Variants in KIAA1671 observed in about 807,000 individuals in gnomAD.
The protein encoded by KIAA1671 is KIAA1671, also known as uncharacterized protein KIAA1671.
In KIAA1671, 52 loss-of-function variants were observed where a neutral mutation model predicts 131.2. That is an observed-to-expected ratio of 0.40 (90% CI 0.32 to 0.50). The LOEUF (loss-of-function observed/expected upper bound fraction) is 0.50. Ranked by LOEUF, KIAA1671 falls within the 20% of genes least tolerant of loss-of-function variation. The pLI is 0.73. For synonymous variants in KIAA1671, 1,003 were observed against 961.6 expected (o/e 1.04, Z -0.80); for missense variants, 2,360 against 2,364.2 (o/e 1.00, Z 0.04).
intron 1 of KIAA1671, among the ~76,000 whole-genome samples, chr22:24,992,165 A>T (rs1016148711): frequency 4.6e-5 from 7 of 152,152 alleles, no homozygotes; most frequent in Non-Finnish European, 1.0e-4. Flanking sequence ...CCTTCGGGTA[A>T]TTGGGACGGA....
At chr22:25,148,264 A>G (rs1474836513) in intron 6 of KIAA1671, among the ~76,000 whole-genome samples, 1 of 100,350 alleles carries the variant, frequency 1.0e-5, no homozygotes, top group African/African-American at 4.0e-5. Context: ...GCCCTCCCAC[A>G]GTCCCAGCCC....
intron 6 of KIAA1671, among the ~76,000 whole-genome samples, chr22:25,154,577 G>C (rs1933163315): frequency 6.6e-6 from 1 of 152,204 alleles, no homozygotes; most frequent in Non-Finnish European, 1.5e-5. Context: ...CAGAGTCTTT[G>C]AACAAAGCCA....
rs561497173 is a variant in KIAA1671, at chr22:25,182,158, G to A, written c.5199+335G>A. On this transcript the variant is annotated intron_variant, in intron 10 of 12. Coordinates refer to ENST00000358431, the MANE Select transcript of KIAA1671 (RefSeq NM_001145206.2). The stretch of plus-strand genomic sequence containing the variant: ...TGCGCCACGGCACTCCAGCCTGGGC[G>A]ACAGAGCGGGACTCCATCTCAAAAA... Among the ~76,000 whole-genome samples, 627 of 150,982 alleles carry A rather than the reference G, an allele frequency of 4.2e-3. 1 individual carries two copies. The highest frequency in any genetic ancestry group is 7.5e-3 in the Non-Finnish European group (507 of 67,728).
rs75152681 is a variant in KIAA1671 at position 25,021,466 on chromosome 22, CTT to C, written c.-207-4152_-207-4151del. Among the ~76,000 whole-genome samples the C allele has an allele frequency of 9.3e-3, 1,242 of 133,576 alleles. 7 individuals are homozygous for C. Among genetic ancestry groups the C allele is most frequent in the African/African-American group, 0.031 (1,102 of 35,074 alleles). The allele number at this position is 133,576 out of a possible 152,430, so 87.6% of individuals were successfully genotyped here. On this transcript the variant is annotated intron_variant, in intron 1 of 12. Transcript: ENST00000358431. The stretch of plus-strand genomic sequence containing the variant: ...GTAACATTCTGGAGCTTGTCCTTAC[CTT>C]TTTTTTTTTTTTTTGTCCTTTTTTT...
At chr22:25,093,834 GTCTGTCTCTCTCTC>G (rs1930249788) in intron 6 of KIAA1671, among the ~76,000 whole-genome samples, 4 of 16,940 alleles carry the variant, frequency 2.4e-4, no homozygotes, top group Non-Finnish European at 3.3e-4. Flanking sequence ...TTCTCTCTCT[GTCTGTCTCTCTCTC>G]TCTCTCTCTC....
At chr22:25,024,222 A>T (rs1925819156) in intron 1 of KIAA1671, 1 of 152,158 alleles carries the variant, frequency 6.6e-6, no homozygotes, top group Non-Finnish European at 1.5e-5. Context: ...AGGTTCCCAA[A>T]GTGGGGTGAC....
chr22:25,008,609 C>G (rs998710150), intron 1 of KIAA1671, among the ~76,000 whole-genome samples: 1 of 152,192 alleles, frequency 6.6e-6, no homozygotes, highest in East Asian at 1.9e-4. Flanking sequence ...GTTGCCAAAC[C>G]TCCCTTGTTG....
At chr22:25,093,715 ACACACACACACACACACACACACT>A (rs1568950840) in intron 6 of KIAA1671, among the ~76,000 whole-genome samples, 1 of 115,508 alleles carries the variant, frequency 8.7e-6, no homozygotes, top group Non-Finnish European at 1.6e-5. Flanking sequence ...ACACACACAC[ACACACACACACACACACACACACT>A]CTCTCTCTCT....
At chr22:25,192,251 C>G (rs1934693415) in intron 12 of KIAA1671, among the ~76,000 whole-genome samples, 155 bp from the exon 13 acceptor site, 1 of 152,076 alleles carries the variant, frequency 6.6e-6, no homozygotes, top group Non-Finnish European at 1.5e-5. Context: ...CTCACCTCCC[C>G]TTTCCACCCA....
chr22:25,085,538 C>T (rs931996031), intron 6 of KIAA1671, among the ~76,000 whole-genome samples: 2 of 144,296 alleles, frequency 1.4e-5, no homozygotes, highest in South Asian at 2.4e-4. Flanking sequence ...GTCCGTCCTG[C>T]GGCTCTGTAG....
chr22:24,996,119 C>T (rs1453800908), intron 1 of KIAA1671, among the ~76,000 whole-genome samples: 1 of 151,940 alleles, frequency 6.6e-6, no homozygotes, highest in East Asian at 1.9e-4. Context: ...GGTAAGTCAT[C>T]TTCAGGGGAG....
chr22:25,107,427 G>T (rs1931070644), intron 6 of KIAA1671, among the ~76,000 whole-genome samples: 1 of 134,328 alleles, frequency 7.4e-6, no homozygotes, highest in Admixed American at 7.9e-5. Context: ...AAAAAAAAGT[G>T]CTATGTGTGC....
intron 6 of KIAA1671, among the ~76,000 whole-genome samples, chr22:25,132,501 C>T (rs1001734430): frequency 6.6e-6 from 1 of 152,318 alleles, no homozygotes; most frequent in Non-Finnish European, 1.5e-5. Flanking sequence ...CTGCCCCTCT[C>T]GGAGCCTCGG....
intron 6 of KIAA1671, among the ~76,000 whole-genome samples, chr22:25,150,953 C>CTCT (rs1413069501): frequency 1.3e-5 from 2 of 151,600 alleles, no homozygotes; most frequent in African/African-American, 4.9e-5. Flanking sequence ...CTGCCTCAGC[C>CTCT]TCCCAAGTAG....
At chr22:25,144,743 C>T (rs559078645) in intron 6 of KIAA1671, among the ~76,000 whole-genome samples, 198 of 152,224 alleles carry the variant, frequency 1.3e-3, no homozygotes, top group African/African-American at 4.5e-3. Flanking sequence ...TGCCCAGGGC[C>T]CCACTCCCAG....
chr22:24,965,740 C>CAAAAAAAA (rs767916092), intron 1 of KIAA1671, among the ~76,000 whole-genome samples: 1 of 45,878 alleles, frequency 2.2e-5, no homozygotes, highest in Non-Finnish European at 4.7e-5. Context: ...AACTCCATCT[C>CAAAAAAAA]AAAAAAAAAA....
intron 6 of KIAA1671, among the ~76,000 whole-genome samples, chr22:25,152,073 TAGACC>T (rs1366129060): frequency 1.3e-5 from 2 of 152,230 alleles, no homozygotes; most frequent in African/African-American, 4.8e-5. Flanking sequence ...TCAGTGAATA[TAGACC>T]AGCAGCCTCA....
intron 6 of KIAA1671, among the ~76,000 whole-genome samples, chr22:25,124,232 G>A (rs1035673787): frequency 5.3e-5 from 8 of 152,154 alleles, no homozygotes; most frequent in Admixed American, 6.5e-5. Flanking sequence ...GTAAGAGCTG[G>A]GCCATAAACA....
intron 1 of KIAA1671, among the ~76,000 whole-genome samples, chr22:24,972,604 T>G (rs1371020085): frequency 6.6e-6 from 1 of 152,180 alleles, no homozygotes; most frequent in African/African-American, 2.4e-5. Flanking sequence ...ATCTACTACC[T>G]TCCATTCCAT....
Sources: allele counts gnomAD v4.1 joint callset (sites outside exome capture counted in the v4.1 genomes callset), GRCh38; gene constraint gnomAD v4.1.1; transcripts MANE v1.5; gene names NCBI Gene and HGNC (gene_info 2026-07-23, HGNC 2026-07-21).